PRPH2: variants seen among roughly 807,000 people sequenced by gnomAD.
The protein encoded by PRPH2 is peripherin-2.
A neutral mutation model predicts 31.3 loss-of-function variants in PRPH2; 17 were observed. The ratio of observed to expected loss-of-function variants is 0.54; its 90% CI spans 0.37 to 0.81. The LOEUF (loss-of-function observed/expected upper bound fraction) is 0.81. Ranked by LOEUF, PRPH2 falls within the 40% of genes least tolerant of loss-of-function variation. The pLI is 0.00. For synonymous variants in PRPH2, 165 were observed against 184.4 expected (o/e 0.89, Z 0.85); for missense variants, 430 against 439.7 (o/e 0.98, Z 0.20).
At chr6:42,703,025 C>A (rs778594146) in intron 2 of PRPH2, among the ~76,000 whole-genome samples, 30 of 151,936 alleles carry the variant, frequency 2.0e-4, no homozygotes, top group African/African-American at 7.0e-4. Context: ...GAAGACTCTA[C>A]GGAGTATGAC....
At chr6:42,708,665 G>A (rs1046379405) in intron 1 of PRPH2, among the ~76,000 whole-genome samples, 1 of 152,162 alleles carries the variant, frequency 6.6e-6, no homozygotes, top group Non-Finnish European at 1.5e-5. Context: ...TGACCTACAG[G>A]CTGTCCCTGG....
Position 42,704,493 on chromosome 6 carries a change from A to G in PRPH2, c.700T>C (p.Tyr234His). The G allele has an allele frequency of 6.2e-7, 1 of 1,614,134 alleles. No homozygotes were observed. Among genetic ancestry groups the G allele is most frequent in the Non-Finnish European group, 8.5e-7 (1 of 1,180,004 alleles). Residue 234 changes from tyrosine (Y) to histidine (H), a missense_variant, in exon 2 of 3, where the codon TAC becomes CAC. Tyr to His is a moderately conservative substitution (Grantham distance 83). Coordinates refer to ENST00000230381, the MANE Select transcript of PRPH2 (RefSeq NM_000322.5). ...TCCTCCGTCTGGTGGTCGTAACTGT[A>G]GTGTGCTGAGTTGTTGGTGATCTGA... The part of the protein sequence containing the change: ...QYQITNNSAH[Y>H]SYDHQTEELN...
chr6:42,714,644 G>A (rs1761737534), intron 1 of PRPH2, among the ~76,000 whole-genome samples: 1 of 152,110 alleles, frequency 6.6e-6, no homozygotes, highest in Non-Finnish European at 1.5e-5. Flanking sequence ...AGCCTCCCAA[G>A]TAGCTGAGAC....
intron 1 of PRPH2, among the ~76,000 whole-genome samples, chr6:42,705,581 AAAAAAAAAAAAAAAAAAAATATATAT>A (rs199895640): frequency 0.5 from 29,143 of 58,742 alleles, 4,989 homozygotes; most frequent in East Asian, 0.6. Context: ...CTCTAAAAAA[AAAAAAAAAAAAAAAAAAAATATATAT>A]ATATATATAT....
chr6:42,717,350 G>A (rs1761807998), intron 1 of PRPH2, among the ~76,000 whole-genome samples: 1 of 151,852 alleles, frequency 6.6e-6, no homozygotes, highest in African/African-American at 2.4e-5. Flanking sequence ...AACCAGGGGG[G>A]CGAGGATGCA....
intron 1 of PRPH2, among the ~76,000 whole-genome samples, chr6:42,712,186 T>C (rs1028569526): frequency 6.6e-6 from 1 of 152,194 alleles, no homozygotes; most frequent in African/African-American, 2.4e-5. Flanking sequence ...GTGGCCCAGT[T>C]TCTCTCACAC....
chr6:42,704,742 C>G, intron 1 of PRPH2, 131 bp from the exon 2 acceptor site: 1 of 1,357,214 alleles, frequency 7.4e-7, no homozygotes, highest in East Asian at 2.3e-5. Context: ...TTGCTGTGCG[C>G]CCGCTACGTG....
chr6:42,721,687 C>A, intron 1 of PRPH2, 67 bp downstream of exon 1: 1 of 1,582,514 alleles, frequency 6.3e-7, no homozygotes, highest in South Asian at 1.1e-5. Context: ...AGGGGCTGGT[C>A]AGAGGCCTGA....
At chr6:42,708,462 C>T (rs1426107296) in intron 1 of PRPH2, among the ~76,000 whole-genome samples, 3 of 152,210 alleles carry the variant, frequency 2.0e-5, no homozygotes, top group Non-Finnish European at 4.4e-5. Flanking sequence ...CAAGCTGGAG[C>T]AGTGTGAGGG....
chr6:42,703,063 C>T (rs1800076382), intron 2 of PRPH2, among the ~76,000 whole-genome samples: 1 of 151,620 alleles, frequency 6.6e-6, no homozygotes, highest in South Asian at 2.1e-4. Flanking sequence ...AGCTACTCTG[C>T]ATGTGCCTAT....
intron 1 of PRPH2, among the ~76,000 whole-genome samples, chr6:42,717,994 C>T (rs991235503): frequency 1.1e-4 from 17 of 152,068 alleles, no homozygotes; most frequent in African/African-American, 3.1e-4. Flanking sequence ...GGTGAAACCC[C>T]GTCTCTACTA....
At position 42,716,962 on chromosome 6, in the gene PRPH2, C is replaced by T. The variant is rs796658920; in HGVS notation, c.581+4792G>A. Among the ~76,000 whole-genome samples the T allele has an allele frequency of 8.7e-3, 392 of 44,828 alleles. 2 individuals are homozygous for T. The highest frequency in any genetic ancestry group is 0.011 in the African/African-American group (112 of 10,328). The allele number at this position is 44,828 out of a possible 152,430, so 29.4% of individuals were successfully genotyped here. A position where few individuals can be genotyped will look rare whatever the true frequency, so the allele number is the denominator to read the frequency against. ...TTCTTTTCTTTTCTTTCTTTCTTTT[C>T]TTTTTTTTTTTTTTTTTTTTTTTTG... On this transcript the variant is annotated intron_variant, in intron 1 of 2. Coordinates refer to ENST00000230381, the MANE Select transcript of PRPH2 (RefSeq NM_000322.5).
Position 42,721,965 on chromosome 6 carries a change from C to A in PRPH2, c.370G>T (p.Gly124Cys), listed in dbSNP as rs1176559269. The A allele has an allele frequency of 6.2e-7, 1 of 1,613,996 alleles. No individual in the cohort carries two copies. Among genetic ancestry groups the A allele is most frequent in the South Asian group, 1.1e-5 (1 of 91,074 alleles). The part of the protein sequence containing the change: ...LVALCCFLLR[G>C]SLENTLGQGL... ...TGGCCCAGGGTGTTCTCCAGCGAGC[C>A]CCGAAGCAGAAAGCAGCAGAGAGCC... Residue 124 changes from glycine to cysteine, a missense_variant, in exon 1 of 3, where the codon GGC (glycine) becomes TGC (cysteine). Gly to Cys is a radical substitution (Grantham distance 159, BLOSUM62 -3). Transcript: ENST00000230381.
chr6:42,720,797 C>T (rs1362469642), intron 1 of PRPH2, among the ~76,000 whole-genome samples: 1 of 152,176 alleles, frequency 6.6e-6, no homozygotes, highest in African/African-American at 2.4e-5. Context: ...GGGAAAGCGG[C>T]TGCCTCAAGG....
intron 1 of PRPH2, among the ~76,000 whole-genome samples, chr6:42,705,586 AAAAAAAAAAAAAAATATATAT>A (rs1800141633): frequency 9.0e-5 from 1 of 11,120 alleles, no homozygotes; most frequent in African/African-American, 3.0e-4. Flanking sequence ...AAAAAAAAAA[AAAAAAAAAAAAAAATATATAT>A]ATATATATAT....
chr6:42,705,958 C>CAA (rs36068676), intron 1 of PRPH2, among the ~76,000 whole-genome samples: 100 of 134,346 alleles, frequency 7.4e-4, no homozygotes, highest in South Asian at 9.5e-4. Context: ...GACCCCGTCT[C>CAA]AAAAAAAAAA....
At position 42,715,008 on chromosome 6, in the gene PRPH2, G is replaced by A. The variant is rs1285049947; in HGVS notation, c.581+6746C>T. Among the ~76,000 whole-genome samples the A allele has an allele frequency of 3.9e-5, 6 of 152,058 alleles. No individual in the cohort carries two copies. In the East Asian group the frequency reaches 5.9e-4, roughly 15 times the overall value. ...GTGGATCACTTGAGGTCAGGAGTTCGAGAGCAGCCTGACCAAATGGTGAAA... is the reference window on the plus strand; with the variant it reads ...GTGGATCACTTGAGGTCAGGAGTTCAAGAGCAGCCTGACCAAATGGTGAAA... On this transcript the variant is annotated intron_variant, in intron 1 of 2. Transcript: ENST00000230381.
intron 1 of PRPH2, among the ~76,000 whole-genome samples, chr6:42,705,984 A>C (rs1800156989): frequency 6.7e-6 from 1 of 149,728 alleles, no homozygotes; most frequent in Admixed American, 6.7e-5. Flanking sequence ...AAAAAGTTGC[A>C]TGTAGGCCAA....
intron 1 of PRPH2, among the ~76,000 whole-genome samples, chr6:42,705,969 A>AG (rs1212742095): frequency 2.0e-5 from 3 of 150,830 alleles, no homozygotes; most frequent in African/African-American, 4.9e-5. Flanking sequence ...AAAAAAAAAA[A>AG]AAAGAAAAAG....
Sources: allele counts gnomAD v4.1 joint callset (sites outside exome capture counted in the v4.1 genomes callset), GRCh38; gene constraint gnomAD v4.1.1; transcripts MANE v1.5; gene names NCBI Gene and HGNC (gene_info 2026-07-23, HGNC 2026-07-21).